RBM6: variants seen among roughly 807,000 people sequenced by gnomAD.
The protein encoded by RBM6 is RNA binding motif protein 6.
RBM6 carries 23 observed loss-of-function variants against 140.4 expected under a neutral mutation model. The observed-to-expected ratio is 0.16, with a 90% CI of 0.12 to 0.23. The LOEUF (loss-of-function observed/expected upper bound fraction) is 0.23. Ranked by LOEUF, RBM6 falls within the 10% of genes least tolerant of loss-of-function variation. RBM6 has a pLI of 1.00. For synonymous variants in RBM6, 439 were observed against 475.6 expected, an observed-to-expected ratio of 0.92 and a Z score of 1.00; for missense variants, 1,139 against 1,386.7, an observed-to-expected ratio of 0.82 and a Z score of 2.84.
chr3:50,005,288 G>C (rs1030820446), intron 6 of RBM6, among the ~76,000 whole-genome samples: 4 of 152,092 alleles, frequency 2.6e-5, no homozygotes, highest in Admixed American at 2.6e-4. Context: ...CTTGAGCCCA[G>C]GAGTTGAGTC....
intron 4 of RBM6, among the ~76,000 whole-genome samples, chr3:49,973,886 TTTTGTTTG>T (rs143557382): frequency 2.5e-4 from 37 of 148,146 alleles, no homozygotes; most frequent in Admixed American, 6.0e-4. Context: ...GCGCCCAGCA[TTTTGTTTG>T]TTTGTTTGTT....
intron 6 of RBM6, among the ~76,000 whole-genome samples, chr3:50,017,184 TA>T (rs1213739545): frequency 1.3e-5 from 2 of 152,218 alleles, no homozygotes; most frequent in African/African-American, 4.8e-5. Context: ...TTTTGTCATA[TA>T]TTTTTTGGCA....
At chr3:49,947,464 T>A (rs1009852029) in intron 1 of RBM6, among the ~76,000 whole-genome samples, 2 of 152,230 alleles carry the variant, frequency 1.3e-5, no homozygotes, top group South Asian at 4.1e-4. Flanking sequence ...GTCTGTGTTG[T>A]TGAGTTTTAG....
intron 6 of RBM6, among the ~76,000 whole-genome samples, chr3:50,027,903 G>A (rs970466630): frequency 2.0e-5 from 3 of 152,162 alleles, no homozygotes; most frequent in Non-Finnish European, 4.4e-5. Context: ...CCCCAGATGC[G>A]TAGCCTAGTA....
intron 7 of RBM6, among the ~76,000 whole-genome samples, chr3:50,053,696 G>A (rs1262284384): frequency 6.6e-6 from 1 of 152,112 alleles, no homozygotes; most frequent in Non-Finnish European, 1.5e-5. Context: ...TGCCCCCATG[G>A]CATTTGGAAG....
intron 6 of RBM6, among the ~76,000 whole-genome samples, chr3:50,014,223 GA>G (rs1247332995): frequency 2.6e-5 from 4 of 152,218 alleles, no homozygotes; most frequent in Admixed American, 1.3e-4. Context: ...GCTGTGTAGT[GA>G]GAGTGCAGGC....
chr3:50,063,408 C>T (rs2090011740), intron 15 of RBM6, among the ~76,000 whole-genome samples: 1 of 151,020 alleles, frequency 6.6e-6, no homozygotes, highest in African/African-American at 2.4e-5. Flanking sequence ...GAGTTTGACA[C>T]CAGCAACATG....
Position 50,061,559 on chromosome 3 carries a change from G to GC in RBM6, c.2439+13dup. ...ACCCCAATACCCAGGTGAGTTTGGG[G>GC]CTTTTTTTTTTTTTTTTTTTTTTTT... On this transcript the variant is annotated intron_variant, in intron 14 of 20. Transcript: ENST00000266022. 2 of 1,421,218 alleles carry GC rather than the reference G, an allele frequency of 1.4e-6. No individual in the cohort carries two copies. The highest frequency in any genetic ancestry group is 2.8e-5 in the East Asian group (1 of 36,238). 88.0% of individuals were successfully genotyped at this position (1,421,218 alleles called of 1,614,324 possible). A position where few individuals can be genotyped will look rare whatever the true frequency, so the allele number is the denominator to read the frequency against.
intron 6 of RBM6, among the ~76,000 whole-genome samples, chr3:50,006,183 C>G (rs571355317): frequency 1.4e-5 from 2 of 145,168 alleles, no homozygotes; most frequent in South Asian, 2.2e-4. Context: ...CTCGCTGTGT[C>G]GCCCAGGCTG....
rs552554164 is a variant in RBM6 at position 50,040,085 on chromosome 3, T to C, written c.1558-8160T>C. On this transcript the variant is annotated intron_variant, in intron 6 of 20. Transcript: ENST00000266022. ...AACCTGAATCTTACTTTAAAATGCA[T>C]GTAAGACCTGCAAGGAGTGGTAGTG... Among the ~76,000 whole-genome samples, 11 of 152,224 alleles carry C rather than the reference T, an allele frequency of 7.2e-5. No homozygotes were observed. The East Asian group carries it at 2.1e-3, about 29-fold the overall frequency.
chr3:49,983,420 A>G (rs1341448814), intron 5 of RBM6, among the ~76,000 whole-genome samples: 1 of 152,066 alleles, frequency 6.6e-6, no homozygotes, highest in Non-Finnish European at 1.5e-5. Context: ...GTTTGTGACC[A>G]GCATGGGCAA....
In RBM6 at chr3:49,968,234, G is replaced by A. The variant is rs2084598322; in HGVS notation, c.809G>A (p.Arg270Lys). Reference protein sequence around the residue: ...RHRSRTDQDFRGREMGSCMEF... With the variant: ...RHRSRTDQDFKGREMGSCMEF... ...CGATCTAGGACTGATCAGGATTTTA[G>A]GGGCAGAGAGATGGGATCTTGTATG... Residue 270 changes from arginine to lysine, a missense_variant, in exon 3 of 21, where the codon AGG (arginine) becomes AAG (lysine). Physicochemically the swap from Arg to Lys is conservative, Grantham distance 26. Transcript: ENST00000266022. 1.2e-6 allele frequency: 2 copies of A among 1,614,002 alleles called. No homozygotes were observed. The highest frequency in any genetic ancestry group is 2.2e-5 in the South Asian group (2 of 91,082).
intron 1 of RBM6, among the ~76,000 whole-genome samples, chr3:49,942,378 A>G (rs2083323171): frequency 6.6e-6 from 1 of 151,234 alleles, no homozygotes; most frequent in Non-Finnish European, 1.5e-5. Context: ...AGTCCCAGGT[A>G]CTCAGGAGGC....
intron 6 of RBM6, among the ~76,000 whole-genome samples, chr3:50,022,242 ACTCTC>A (rs1355340504): frequency 6.6e-6 from 1 of 151,438 alleles, no homozygotes; most frequent in African/African-American, 2.4e-5. Context: ...GTTGGTTGTT[ACTCTC>A]TAATCGCCTG....
intron 1 of RBM6, among the ~76,000 whole-genome samples, chr3:49,961,370 A>T (rs898146315): frequency 1.3e-5 from 2 of 151,980 alleles, no homozygotes; most frequent in African/African-American, 4.8e-5. Flanking sequence ...TTTTGTAGAG[A>T]TGGCATTTTG....
At chr3:50,027,567 ATATT>A (rs1345720196) in intron 6 of RBM6, among the ~76,000 whole-genome samples, 2 of 152,144 alleles carry the variant, frequency 1.3e-5, no homozygotes, top group African/African-American at 2.4e-5. Flanking sequence ...CCTGCTCTGG[ATATT>A]TCATATAAAT....
chr3:49,949,291 C>CT (rs1324757282), intron 1 of RBM6, among the ~76,000 whole-genome samples: 2 of 151,700 alleles, frequency 1.3e-5, no homozygotes, highest in African/African-American at 4.8e-5. Context: ...TTACCTCCCC[C>CT]TACTTACCCC....
chr3:49,940,523 G>C (rs1386642976), intron 1 of RBM6: 1 of 155,158 alleles, frequency 6.4e-6, no homozygotes, highest in Non-Finnish European at 1.5e-5. Context: ...GCGTGGTTGC[G>C]GCTCTGTGCT....
At chr3:50,066,563 C>T in intron 17 of RBM6, 61 bp downstream of exon 17, 5 of 1,563,208 alleles carry the variant, frequency 3.2e-6, no homozygotes, top group South Asian at 2.4e-5. Context: ...CTTTGTGGCT[C>T]ATGCCTGTAA....
Sources: allele counts gnomAD v4.1 joint callset (sites outside exome capture counted in the v4.1 genomes callset), GRCh38; gene constraint gnomAD v4.1.1; transcripts MANE v1.5; gene names NCBI Gene and HGNC (gene_info 2026-07-23, HGNC 2026-07-21).